Variants in ALG13 observed in about 807,000 individuals in gnomAD.
ALG13 encodes UDP-N-acetylglucosamine transferase subunit ALG13.
ALG13 carries 11 observed loss-of-function variants against 87.8 expected under a neutral mutation model. The ratio of observed to expected loss-of-function variants is 0.13; its 90% confidence interval spans 0.08 to 0.21. The LOEUF is 0.21. Ranked by LOEUF, ALG13 falls within the 10% of genes least tolerant of loss-of-function variation. The pLI is 1.00. For missense variants in ALG13, 756 were observed against 866.1 expected (o/e 0.87, Z 1.60); for synonymous variants, 320 against 306.3 (o/e 1.04, Z -0.47).
rs372521943 is a variant in ALG13, at chrX:111,717,904, A to G, written c.1064A>G (p.Gln355Arg). Residue 355 changes from glutamine to arginine, a missense_variant, in exon 9 of 27, where the codon CAG becomes CGG. Gln to Arg is a conservative substitution (Grantham distance 43). Transcript: ENST00000394780. ...HYDSVYSKQFQSSAAVCQAVL... is the reference protein window; with the variant it reads ...HYDSVYSKQFRSSAAVCQAVL... ...GATTCTGTGTACTCAAAACAATTTC[A>G]GTCAAGTGCAGCTGTTTGTCAGGGT... The G allele has an allele frequency of 2.5e-5, 30 of 1,203,755 alleles. No individual in the cohort carries two copies. Among genetic ancestry groups the G allele is most frequent in the Non-Finnish European group, 3.3e-5 (29 of 891,146 alleles).
At chrX:111,734,086 T>C (rs1257075609) in intron 21 of ALG13, among the ~76,000 whole-genome samples, 1 of 112,244 alleles carries the variant, frequency 8.9e-6, no homozygotes, top group African/African-American at 3.2e-5. Context: ...TTGTGAAGAT[T>C]TTCTCCCACT....
intron 3 of ALG13, among the ~76,000 whole-genome samples, chrX:111,705,510 T>C (rs945995010): frequency 2.7e-5 from 3 of 111,825 alleles, no homozygotes; most frequent in African/African-American, 3.2e-5. Context: ...TTTTTTCTAT[T>C]ATGTATCTGA....
At position 111,724,993 on chromosome X, in the gene ALG13, G is replaced by T. The variant is rs1364102879; in HGVS notation, c.1661G>T (p.Trp554Leu). The change falls in exon 15 of 27, where the codon TGG becomes TTG. Residue 554 changes from tryptophan (W) to leucine (L), a missense_variant. Physicochemically the swap from Trp to Leu is moderately conservative, Grantham distance 61. Transcript: ENST00000394780. ...ACCCAAGTGATGTCTGTTCCTGCCT[G>T]GAATGCTATGCCCAGTCGGAAAGGA... The part of the protein sequence containing the change: ...PVTQVMSVPA[W>L]NAMPSRKGRG... 8.3e-7 allele frequency: 1 copy of T among 1,209,028 alleles called. No homozygotes were observed. Among genetic ancestry groups the T allele is most frequent in the Non-Finnish European group, 1.1e-6 (1 of 894,405 alleles).
chrX:111,734,040 G>C (rs996538383), intron 21 of ALG13, among the ~76,000 whole-genome samples: 2 of 111,962 alleles, frequency 1.8e-5, no homozygotes, highest in African/African-American at 6.5e-5. Context: ...GTAGATTCTG[G>C]ATATTAGTCC....
intron 8 of ALG13, among the ~76,000 whole-genome samples, chrX:111,717,623 TTAG>T (rs1448124656): frequency 9.3e-6 from 1 of 107,968 alleles, no homozygotes; most frequent in Non-Finnish European, 1.9e-5. Context: ...CAGTGTAACC[TTAG>T]TAGTGATTTT....
chrX:111,699,163 G>A (rs940383455), intron 3 of ALG13, among the ~76,000 whole-genome samples: 5 of 111,301 alleles, frequency 4.5e-5, no homozygotes, highest in African/African-American at 1.6e-4. Flanking sequence ...CGTCTTTTGA[G>A]AAATGTTCGT....
At chrX:111,718,074 T>G (rs2148112327) in intron 9 of ALG13, 38 bp from the exon 10 acceptor site, 1 of 1,129,913 alleles carries the variant, frequency 8.9e-7, no homozygotes, top group South Asian at 2.0e-5. Flanking sequence ...ATATAAATCT[T>G]ATTTTGACAA....
intron 24 of ALG13, among the ~76,000 whole-genome samples, chrX:111,749,139 CA>C: frequency 9.0e-6 from 1 of 111,437 alleles, no homozygotes; most frequent in Non-Finnish European, 1.9e-5. Context: ...TGTCTTACTC[CA>C]AAGTCGTTAT....
intron 24 of ALG13, among the ~76,000 whole-genome samples, chrX:111,747,712 C>G (rs1381159782): frequency 8.9e-6 from 1 of 111,818 alleles, no homozygotes; most frequent in African/African-American, 3.3e-5. Context: ...GTCTTGAACT[C>G]CTGACCTCGT....
Position 111,708,350 on chromosome X carries a change from C to T in ALG13, c.707C>T (p.Thr236Ile). The part of the protein sequence containing the change: ...LGSLGLFRKL[T>I]AKDASCLFRA... ...AGCTTAGGGCTGTTTCGAAAGCTGA[C>T]TGCCAAGGATGCCTCTTGCCTCTTT... Residue 236 changes from threonine to isoleucine, a missense_variant, in exon 4 of 27, where the codon ACT becomes ATT. Thr to Ile is a moderately conservative substitution (Grantham distance 89, BLOSUM62 -1). Around this residue, in one of 9 missense-constraint regions of ALG13, gnomAD observed 9 missense variants for 31.9 expected, o/e 0.28. Coordinates refer to ENST00000394780, the MANE Select transcript of ALG13 (RefSeq NM_001099922.3). The T allele has an allele frequency of 1.7e-6, 2 of 1,211,772 alleles. No homozygotes were observed. Among genetic ancestry groups the T allele is most frequent in the Non-Finnish European group, 2.2e-6 (2 of 895,339 alleles).
chrX:111,712,632 A>T, intron 7 of ALG13, 102 bp downstream of exon 7: 1 of 407,982 alleles, frequency 2.5e-6, no homozygotes, highest in East Asian at 4.0e-5. Flanking sequence ...GATTTGATGT[A>T]TTGATACCTA....
At chrX:111,753,883 A>G (rs919991741) in intron 25 of ALG13, among the ~76,000 whole-genome samples, 7 of 112,052 alleles carry the variant, frequency 6.2e-5, no homozygotes, top group African/African-American at 2.3e-4. Context: ...GAACGATTCC[A>G]ATCAATAGAA....
At chrX:111,756,332 G>GAA (rs1055930679) in intron 25 of ALG13, among the ~76,000 whole-genome samples, 2 of 111,581 alleles carry the variant, frequency 1.8e-5, no homozygotes, top group African/African-American at 6.5e-5. Context: ...GATGGGTGTA[G>GAA]AAAACCACCA....
intron 11 of ALG13, among the ~76,000 whole-genome samples, chrX:111,720,887 T>C (rs992944878): frequency 3.6e-5 from 4 of 110,132 alleles, no homozygotes; most frequent in Admixed American, 1.9e-4. Flanking sequence ...GTTGCATTGG[T>C]TTATATGGGA....
chrX:111,693,649 G>A lies in ALG13; in HGVS notation c.383+8546G>A, dbSNP rs1288006617. The stretch of plus-strand genomic sequence containing the variant: ...ATGTTGGTATTTCTATATCTTCATT[G>A]TCTTATAAATTTTTTACCATATTCT... On this transcript the variant is annotated intron_variant, in intron 3 of 26. Coordinates refer to ENST00000394780, the MANE Select transcript of ALG13 (RefSeq NM_001099922.3). Among the ~76,000 whole-genome samples, 3 of 111,541 alleles carry A rather than the reference G, an allele frequency of 2.7e-5. No individual in the cohort carries two copies. The East Asian group carries it at 8.3e-4, about 31-fold the overall frequency.
At position 111,736,867 on chromosome X, in the gene ALG13, C is replaced by T; in HGVS notation, c.2683C>T (p.His895Tyr). The T allele has an allele frequency of 8.3e-7, 1 of 1,202,648 alleles. No individual in the cohort carries two copies. The highest frequency in any genetic ancestry group is 3.0e-5 in the East Asian group (1 of 33,501). The change falls in exon 23 of 27, where the codon CAC becomes TAC. Residue 895 changes from histidine (H) to tyrosine (Y), a missense_variant. Transcript: ENST00000394780. ...IQPLFVSPPT[H>Y]GRPVIASPSY... ...GCCTCTCTTTGTATCTCCACCTACA[C>T]ACGGCAGGCCAGGTAGGTTATTAGC... is the stretch of plus-strand genomic sequence containing the variant.
intron 22 of ALG13, among the ~76,000 whole-genome samples, chrX:111,736,282 G>A (rs1202010864): frequency 8.9e-6 from 1 of 111,744 alleles, no homozygotes; most frequent in Non-Finnish European, 1.9e-5. Context: ...CAGCCTGGGC[G>A]ATGGGAGTGA....
Position 111,747,096 on chromosome X carries a change from A to G in ALG13, c.2932+2192A>G, listed in dbSNP as rs572607032. On this transcript the variant is annotated intron_variant, in intron 24 of 26. Coordinates refer to ENST00000394780, the MANE Select transcript of ALG13 (RefSeq NM_001099922.3). ...TTATCATCCAGAGGCCATAGTTTAT[A>G]TTAGTGTTCATTCTTGCTCTTGCAC... Among the ~76,000 whole-genome samples the G allele has an allele frequency of 7.2e-5, 8 of 111,786 alleles. No homozygotes were observed. The East Asian group carries it at 8.5e-4, about 12-fold the overall frequency.
At chrX:111,682,891 C>T (rs1210992639) in intron 2 of ALG13, among the ~76,000 whole-genome samples, 1 of 112,025 alleles carries the variant, frequency 8.9e-6, no homozygotes, top group Non-Finnish European at 1.9e-5. Context: ...GTTTCCTCTT[C>T]AGAGGACCGC....
Sources: allele counts gnomAD v4.1 joint callset (sites outside exome capture counted in the v4.1 genomes callset), GRCh38; gene constraint gnomAD v4.1.1; regional missense constraint gnomAD v4.1.1; transcripts MANE v1.5; gene names NCBI Gene and HGNC (gene_info 2026-07-23, HGNC 2026-07-21).